The following NEURL1B variants were observed in gnomAD, a reference collection of about 807,000 sequenced individuals.
The protein encoded by NEURL1B is neuralized E3 ubiquitin protein ligase 1B, also known as E3 ubiquitin-protein ligase NEURL1B.
Under a neutral mutation model 37.4 loss-of-function variants are expected in NEURL1B, and 13 were observed. That is an observed-to-expected ratio of 0.35 (90% CI 0.23 to 0.55). NEURL1B has a LOEUF of 0.55. Among genes scored for constraint, NEURL1B ranks in the 20% least tolerant of loss-of-function variants. NEURL1B has a pLI of 0.89. For synonymous variants in NEURL1B, 432 were observed against 426.6 expected (o/e 1.01, Z -0.16); for missense variants, 790 against 879.2 (o/e 0.90, Z 1.28).
chr5:172,643,271 T>C (rs1260590296), intron 1 of NEURL1B, among the ~76,000 whole-genome samples: 1 of 152,192 alleles, frequency 6.6e-6, no homozygotes, highest in Admixed American at 6.5e-5. Context: ...CTGAGTCACA[T>C]CGGGTGGCAG....
At chr5:172,671,270 A>C (rs1758125423) in intron 2 of NEURL1B, among the ~76,000 whole-genome samples, 1 of 152,186 alleles carries the variant, frequency 6.6e-6, no homozygotes, top group African/African-American at 2.4e-5. Flanking sequence ...TACAGGTTGC[A>C]CCGGAACCAG....
chr5:172,656,845 G>A (rs985799535), intron 1 of NEURL1B: 40 of 607,590 alleles, frequency 6.6e-5, no homozygotes, highest in East Asian at 5.8e-4. Flanking sequence ...CTTTAGGATG[G>A]GGATAATGAC....
chr5:172,644,629 ACT>A (rs199869557), intron 1 of NEURL1B, among the ~76,000 whole-genome samples: 1,586 of 152,176 alleles, frequency 0.01, 16 homozygotes, highest in Middle Eastern at 0.048. Context: ...TGTGCTCTAC[ACT>A]CTCTTTCCAG....
Position 172,687,514 on chromosome 5 carries a change from C to CA in NEURL1B, c.*594dup. ...GATGCTCAGATTTTCTAAGGGGAGG[C>CA]AAAAATAACTCATTGTTTACAGCTC... On this transcript the variant is annotated 3_prime_UTR_variant, in exon 5 of 5. Coordinates refer to ENST00000369800, the MANE Select transcript of NEURL1B (RefSeq NM_001142651.3). The CA allele has an allele frequency of 6.6e-6, 1 of 152,558 alleles. No individual in the cohort carries two copies. The highest frequency in any genetic ancestry group is 1.5e-5 in the Non-Finnish European group (1 of 68,374). The allele number at this position is 152,558 out of a possible 1,614,324, so 9.5% of individuals were successfully genotyped here.
At chr5:172,663,053 C>T (rs977399194) in intron 1 of NEURL1B, among the ~76,000 whole-genome samples, 8 of 87,184 alleles carry the variant, frequency 9.2e-5, no homozygotes, top group Non-Finnish European at 1.7e-4. Flanking sequence ...CCTGACTCTA[C>T]AAATAATAAT....
At position 172,656,613 on chromosome 5, in the gene NEURL1B, T is replaced by C. The variant is rs1485345409; in HGVS notation, c.32-13172T>C. 4.3e-6 allele frequency: 7 copies of C among 1,610,358 alleles called. No individual in the cohort carries two copies. The African/African-American group carries it at 9.4e-5, about 22-fold the overall frequency. On this transcript the variant is annotated intron_variant, in intron 1 of 4. Coordinates refer to ENST00000369800, the MANE Select transcript of NEURL1B (RefSeq NM_001142651.3). ...CTCCTCGAGTTTCTTCTGCTCCTCT[T>C]TTTGTTTCTGCTTGAAAGCCTTATC...
Position 172,686,917 on chromosome 5 carries a change from A to G in NEURL1B, c.1660A>G (p.Arg554Gly). The G allele has an allele frequency of 6.5e-7, 1 of 1,547,166 alleles. No homozygotes were observed. Among genetic ancestry groups the G allele is most frequent in the Non-Finnish European group, 8.7e-7 (1 of 1,144,060 alleles). Residue 554 changes from arginine to glycine, a missense_variant, in exon 5 of 5, where the codon AGG (arginine) becomes GGG (glycine). This residue lies in a region of NEURL1B where 115 missense variants were observed against 162.6 expected (regional missense o/e 0.71). Coordinates refer to ENST00000369800, the MANE Select transcript of NEURL1B (RefSeq NM_001142651.3). This position sits in a 1 kb window ranked among gnomAD's most constrained non-coding sequence, Gnocchi z 7.9. ...RPIKDVIKIY[R>G]P ...CATCAAGGACGTCATTAAGATCTAC[A>G]GGCCATAGCCTAGCCTGCCCACGGG...
rs947002060 is a variant in NEURL1B at position 172,650,623 on chromosome 5, G to A, written c.31+9186G>A. Among the ~76,000 whole-genome samples, 3 of 152,346 alleles carry A rather than the reference G, an allele frequency of 2.0e-5. No homozygotes were observed. In the South Asian group the frequency reaches 6.2e-4, roughly 32 times the overall value. On this transcript the variant is annotated intron_variant, in intron 1 of 4. Coordinates refer to ENST00000369800, the MANE Select transcript of NEURL1B (RefSeq NM_001142651.3). ...CTCCCTGAGCTGTGTTATACACAAA[G>A]TTTTGGTGCCGCAAAAGGAATAGCA...
intron 1 of NEURL1B, among the ~76,000 whole-genome samples, chr5:172,658,923 T>C (rs1214616353): frequency 6.6e-6 from 1 of 152,116 alleles, no homozygotes; most frequent in Non-Finnish European, 1.5e-5. Context: ...TCAGTCACTT[T>C]CTTCCTTTTG....
intron 2 of NEURL1B, among the ~76,000 whole-genome samples, chr5:172,682,301 G>A (rs957060286): frequency 7.2e-5 from 11 of 152,200 alleles, no homozygotes; most frequent in African/African-American, 2.7e-4. Context: ...TCGGCCGGGC[G>A]TGCTGACTCA....
At chr5:172,682,949 C>T (rs1382080636) in intron 2 of NEURL1B, among the ~76,000 whole-genome samples, 1 of 152,164 alleles carries the variant, frequency 6.6e-6, no homozygotes, top group African/African-American at 2.4e-5. Flanking sequence ...AGGTAGCGCG[C>T]GAAAGCTTAG....
Position 172,674,112 on chromosome 5 carries a change from C to T in NEURL1B, c.577+3782C>T, listed in dbSNP as rs552588147. Among the ~76,000 whole-genome samples, 108 of 151,810 alleles carry T rather than the reference C, an allele frequency of 7.1e-4. 1 individual carries two copies. Among genetic ancestry groups the T allele is most frequent in the African/African-American group, 2.4e-3 (101 of 41,242 alleles). ...CCGAGATGGCACCATTGCACTCCAG[C>T]CTGGGTGCCAGAGCAAAACTCCATC... On this transcript the variant is annotated intron_variant, in intron 2 of 4. Transcript: ENST00000369800.
chr5:172,663,709 G>A (rs1421412665), intron 1 of NEURL1B, among the ~76,000 whole-genome samples: 1 of 151,776 alleles, frequency 6.6e-6, no homozygotes, highest in African/African-American at 2.4e-5. Context: ...CGGCTCACTG[G>A]CTGGGGCCAG....
At chr5:172,654,387 G>A (rs1037590138) in intron 1 of NEURL1B, among the ~76,000 whole-genome samples, 37 of 152,210 alleles carry the variant, frequency 2.4e-4, no homozygotes, top group African/African-American at 8.9e-4. Flanking sequence ...AATCACCTGG[G>A]AGGAACCATC....
intron 1 of NEURL1B, among the ~76,000 whole-genome samples, chr5:172,644,711 C>G (rs1263103428): frequency 6.6e-6 from 1 of 152,216 alleles, no homozygotes; most frequent in African/African-American, 2.4e-5. Context: ...ACTTTGCATA[C>G]AGTTAGGCAG....
intron 2 of NEURL1B, among the ~76,000 whole-genome samples, chr5:172,680,593 T>C (rs1758332293): frequency 6.6e-6 from 1 of 152,244 alleles, no homozygotes; most frequent in Non-Finnish European, 1.5e-5. Context: ...TATATGCCTT[T>C]TTTCTGATTA....
At chr5:172,656,695 C>T in intron 1 of NEURL1B, 1 of 1,436,256 alleles carries the variant, frequency 7.0e-7, no homozygotes, top group Non-Finnish European at 9.7e-7. Flanking sequence ...TTCTTCTTGC[C>T]ACCTTCGCGG....
chr5:172,672,755 C>CT (rs147946354), intron 2 of NEURL1B, among the ~76,000 whole-genome samples: 167 of 148,834 alleles, frequency 1.1e-3, no homozygotes, highest in African/African-American at 3.8e-3. Context: ...TTATTCTGTC[C>CT]TTTTTTTTTT....
rs1471310958 is a variant in NEURL1B at position 172,661,594 on chromosome 5, C to T, written c.32-8191C>T. Among the ~76,000 whole-genome samples the T allele has an allele frequency of 6.6e-6, 1 of 152,208 alleles. No homozygotes were observed. The highest frequency in any genetic ancestry group is 2.4e-5 in the African/African-American group (1 of 41,450). ...ACATGTACCCACTACATAGCAGAGG[C>T]CCAGTGAAACTCCAGTGTAATCCTC... On this transcript the variant is annotated intron_variant, in intron 1 of 4. Coordinates refer to ENST00000369800, the MANE Select transcript of NEURL1B (RefSeq NM_001142651.3). This position sits in a 1 kb window ranked among gnomAD's most constrained non-coding sequence, Gnocchi z 4.0.
Sources: allele counts gnomAD v4.1 joint callset (sites outside exome capture counted in the v4.1 genomes callset), GRCh38; gene constraint gnomAD v4.1.1; regional missense constraint gnomAD v4.1.1; non-coding constraint Gnocchi (gnomAD v3.1); transcripts MANE v1.5; gene names NCBI Gene and HGNC (gene_info 2026-07-23, HGNC 2026-07-21).